The following ILDR1 variants were observed in gnomAD, a reference collection of about 807,000 sequenced individuals.
ILDR1 encodes immunoglobulin-like domain-containing receptor 1.
A neutral mutation model predicts 62.4 loss-of-function variants in ILDR1; 56 were observed. That is an observed-to-expected ratio of 0.90 (90% CI 0.72 to 1.12). The LOEUF (loss-of-function observed/expected upper bound fraction) is 1.12, where lower values mean the gene tolerates loss of function less well. Ranked by LOEUF, ILDR1 falls within the 50% of genes most tolerant of loss-of-function variation. ILDR1 has a pLI of 0.00. For synonymous variants in ILDR1, 284 were observed against 277.8 expected, an observed-to-expected ratio of 1.02 and a Z score of -0.22; for missense variants, 736 against 710.6, an observed-to-expected ratio of 1.04 and a Z score of -0.41.
At position 121,993,626 on chromosome 3, in the gene ILDR1, C is replaced by T. The variant is rs1559870935; in HGVS notation, c.1123G>A (p.Asp375Asn). The T allele has an allele frequency of 6.2e-7, 1 of 1,614,190 alleles. No homozygotes were observed. Among genetic ancestry groups the T allele is most frequent in the East Asian group, 2.2e-5 (1 of 44,880 alleles). Residue 375 changes from aspartate to asparagine, a missense_variant, in exon 7 of 8, where the codon GAT becomes AAT. Coordinates refer to ENST00000344209, the MANE Select transcript of ILDR1 (RefSeq NM_001199799.2). ...CGGTCCTGGAGCTCCTGGTGGAAAT[C>T]AGGGTAATGGTGGTGGCTTCTCCCC... The part of the protein sequence containing the change: ...REGRSHHHYP[D>N]FHQELQDRGP...
At chr3:122,019,427 G>A (rs2071826124) in intron 1 of ILDR1, among the ~76,000 whole-genome samples, 1 of 152,066 alleles carries the variant, frequency 6.6e-6, no homozygotes, top group Admixed American at 6.6e-5. Context: ...GGATCTTTCT[G>A]GGAGCTGTGA....
the ILDR1 span, among the ~76,000 whole-genome samples, chr3:122,049,831 C>G: frequency 6.6e-6 from 1 of 152,096 alleles, no homozygotes; most frequent in Non-Finnish European, 1.5e-5. Context: ...AGCTTAGGCC[C>G]TTTTTTCTCT....
At chr3:122,052,450 A>T in the ILDR1 span, among the ~76,000 whole-genome samples, 1 of 151,950 alleles carries the variant, frequency 6.6e-6, no homozygotes, top group Non-Finnish European at 1.5e-5. Context: ...ATCACCCAGT[A>T]TTTTTTTGTT....
the ILDR1 span, among the ~76,000 whole-genome samples, chr3:122,031,054 C>A: frequency 6.6e-6 from 1 of 152,186 alleles, no homozygotes; most frequent in Admixed American, 6.5e-5. Context: ...AGGAGAGTAT[C>A]TACTCCAAAG....
intron 1 of ILDR1, among the ~76,000 whole-genome samples, chr3:122,008,170 A>C (rs1439817053): frequency 6.6e-6 from 1 of 152,260 alleles, no homozygotes; most frequent in African/African-American, 2.4e-5. Context: ...CAAATAAAAC[A>C]GATGTGACAA....
upstream of ILDR1, among the ~76,000 whole-genome samples, chr3:122,025,609 T>C (rs1375419314): frequency 6.6e-6 from 1 of 152,242 alleles, no homozygotes; most frequent in Admixed American, 6.5e-5. Context: ...TAGTTGAAAC[T>C]GTGTCTATGA....
chr3:122,045,654 T>C, the ILDR1 span, among the ~76,000 whole-genome samples: 3 of 151,734 alleles, frequency 2.0e-5, no homozygotes, highest in Admixed American at 6.6e-5. Context: ...GTTGAATTGA[T>C]CCCTTTACCA....
At position 121,993,441 on chromosome 3, in the gene ILDR1, G is replaced by A; in HGVS notation, c.1308C>T (p.His436=). ...CCTGACAGCGGCTCCTGAAAGGAGG[G>A]TGGCTCGGCCGCCAGCGTGCCTCAC... ...SSSEARWRPS[H]PPFRSRCQER... is the part of the protein sequence containing the mutation. Residue 436 remains histidine (H), a synonymous_variant, in exon 7 of 8, where the codon CAC becomes CAT. Coordinates refer to ENST00000344209, the MANE Select transcript of ILDR1 (RefSeq NM_001199799.2). 1 of 1,614,072 alleles carries A rather than the reference G, an allele frequency of 6.2e-7. No homozygotes were observed. Among genetic ancestry groups the A allele is most frequent in the Non-Finnish European group, 8.5e-7 (1 of 1,179,990 alleles).
At chr3:122,045,441 G>C in the ILDR1 span, among the ~76,000 whole-genome samples, 1 of 152,152 alleles carries the variant, frequency 6.6e-6, no homozygotes, top group African/African-American at 2.4e-5. Flanking sequence ...GGTCCACTTG[G>C]TGCAGAGCTG....
chr3:122,041,423 A>G, the ILDR1 span, among the ~76,000 whole-genome samples: 1 of 152,198 alleles, frequency 6.6e-6, no homozygotes, highest in African/African-American at 2.4e-5. Flanking sequence ...GCCCCTTGAA[A>G]GATGCTGACA....
chr3:121,993,154 C>T lies in ILDR1; in HGVS notation c.1595G>A (p.Arg532His), dbSNP rs781753189. Reference protein sequence around the residue: ...NSRKKGSVERRSEKDSSHSGR... With the variant: ...NSRKKGSVERHSEKDSSHSGR... ...AGCAGGATGCCCCAGGCTCACCGAG[C>T]GCCTCTCCACACTCCCTTTTTTCCT... Residue 532 changes from arginine (R) to histidine (H), a missense_variant, in exon 7 of 8, where the codon CGC becomes CAC. Physicochemically the swap from Arg to His is conservative, Grantham distance 29. Transcript: ENST00000344209. 3.3e-5 allele frequency: 52 copies of T among 1,588,192 alleles called. No homozygotes were observed. The highest frequency in any genetic ancestry group is 1.1e-4 in the East Asian group (5 of 43,510).
chr3:122,036,078 A>G, the ILDR1 span, among the ~76,000 whole-genome samples: 6 of 152,232 alleles, frequency 3.9e-5, no homozygotes, highest in Non-Finnish European at 8.8e-5. Flanking sequence ...GAACTGGAGT[A>G]AAGGTCACCC....
At chr3:121,996,355 A>G (rs1345044178) in intron 5 of ILDR1, among the ~76,000 whole-genome samples, 2 of 152,176 alleles carry the variant, frequency 1.3e-5, no homozygotes, top group East Asian at 3.8e-4. Context: ...CACAGTCCAG[A>G]GATTAATTCA....
At chr3:122,055,609 A>G in the ILDR1 span, 1 of 1,018,686 alleles carries the variant, frequency 9.8e-7, no homozygotes, top group Non-Finnish European at 1.5e-6. Flanking sequence ...CTTAGTTCCT[A>G]AGTGGAGAAG....
chr3:121,998,123 A>G (rs1334847609), intron 5 of ILDR1, among the ~76,000 whole-genome samples: 2 of 152,102 alleles, frequency 1.3e-5, no homozygotes, highest in African/African-American at 2.4e-5. Context: ...CCACATTTTA[A>G]TGACTTCCTT....
the ILDR1 span, among the ~76,000 whole-genome samples, chr3:122,044,836 C>A: frequency 6.6e-6 from 1 of 152,054 alleles, no homozygotes; most frequent in African/African-American, 2.4e-5. Flanking sequence ...TGCTAGTGGT[C>A]TATCAATTTT....
intron 5 of ILDR1, among the ~76,000 whole-genome samples, chr3:122,000,154 C>A (rs186783915): frequency 4.6e-5 from 7 of 151,588 alleles, no homozygotes; most frequent in Admixed American, 4.6e-4. Flanking sequence ...ATGCCTCAGT[C>A]ACTCATTTTG....
chr3:121,993,999 A>G, intron 6 of ILDR1, 29 bp from the exon 7 acceptor site: 1 of 1,595,634 alleles, frequency 6.3e-7, no homozygotes. Context: ...AGGACAATAG[A>G]ACAAATGGCC....
chr3:122,017,176 G>A (rs954287789), intron 1 of ILDR1, among the ~76,000 whole-genome samples: 3 of 152,156 alleles, frequency 2.0e-5, no homozygotes, highest in African/African-American at 7.2e-5. Context: ...AGCCTCCCGA[G>A]TAGCTTGGAT....
Sources: allele counts gnomAD v4.1 joint callset (sites outside exome capture counted in the v4.1 genomes callset), GRCh38; gene constraint gnomAD v4.1.1; transcripts MANE v1.5; gene names NCBI Gene and HGNC (gene_info 2026-07-23, HGNC 2026-07-21).